Variants in PTGFR observed in about 807,000 individuals in gnomAD.
PTGFR encodes the protein prostaglandin F2-alpha receptor.
Under a neutral mutation model 26.2 loss-of-function variants are expected in PTGFR, and 15 were observed. The ratio of observed to expected loss-of-function variants is 0.57; its 90% CI spans 0.38 to 0.88. The LOEUF is 0.88. Ranked by LOEUF, PTGFR falls within the 40% of genes least tolerant of loss-of-function variation. The pLI is 0.00. For synonymous variants in PTGFR, 165 were observed against 151.1 expected, an observed-to-expected ratio of 1.09 and a Z score of -0.68; for missense variants, 369 against 427.2, an observed-to-expected ratio of 0.86 and a Z score of 1.20.
intron 2 of PTGFR, among the ~76,000 whole-genome samples, chr1:78,509,686 G>A (rs1192711122): frequency 6.6e-6 from 1 of 152,202 alleles, no homozygotes; most frequent in Non-Finnish European, 1.5e-5. Flanking sequence ...CTATGTAGCA[G>A]TAATTTCCAT....
intron 2 of PTGFR, among the ~76,000 whole-genome samples, chr1:78,494,746 C>G (rs1459950418): frequency 2.0e-5 from 3 of 152,182 alleles, no homozygotes; most frequent in African/African-American, 7.2e-5. Context: ...GCTGGGATTA[C>G]AGGCGTGTGG....
At chr1:78,506,577 G>A (rs1410228288) in intron 2 of PTGFR, among the ~76,000 whole-genome samples, 1 of 151,754 alleles carries the variant, frequency 6.6e-6, no homozygotes, top group Non-Finnish European at 1.5e-5. Context: ...CTAGTGATTG[G>A]TTTGTTTGAT....
At chr1:78,520,015 A>G (rs1383143651) in intron 2 of PTGFR, among the ~76,000 whole-genome samples, 3 of 151,954 alleles carry the variant, frequency 2.0e-5, no homozygotes, top group African/African-American at 7.2e-5. Context: ...AGTAAATGTC[A>G]TTTCAGGTTT....
intron 2 of PTGFR, among the ~76,000 whole-genome samples, chr1:78,500,861 G>T (rs1649686910): frequency 1.3e-5 from 2 of 152,196 alleles, no homozygotes; most frequent in South Asian, 4.1e-4. Context: ...AAAGTGTATG[G>T]TGTAAAATTG....
At chr1:78,526,138 T>C (rs1042535122) in intron 2 of PTGFR, among the ~76,000 whole-genome samples, 5 of 152,040 alleles carry the variant, frequency 3.3e-5, no homozygotes, top group Non-Finnish European at 5.9e-5. Context: ...ATTGCAAGAA[T>C]TATACACAAT....
At chr1:78,534,097 C>T (rs1650587844) in intron 2 of PTGFR, among the ~76,000 whole-genome samples, 1 of 152,174 alleles carries the variant, frequency 6.6e-6, no homozygotes, top group Non-Finnish European at 1.5e-5. Context: ...GGATATACAA[C>T]TGTAATGTGC....
chr1:78,515,115 G>A (rs1650063748), intron 2 of PTGFR, among the ~76,000 whole-genome samples: 1 of 152,124 alleles, frequency 6.6e-6, no homozygotes, highest in Non-Finnish European at 1.5e-5. Context: ...AAGATTTGGA[G>A]AGGACAAACA....
chr1:78,498,691 T>G (rs1212714750), intron 2 of PTGFR, among the ~76,000 whole-genome samples: 1 of 152,072 alleles, frequency 6.6e-6, no homozygotes, highest in Non-Finnish European at 1.5e-5. Context: ...ATCCCCTGAC[T>G]CTAAAAACAA....
At position 78,493,144 on chromosome 1, in the gene PTGFR, G is replaced by T. The variant is rs1649456307; in HGVS notation, c.401G>T (p.Cys134Phe). The change falls in exon 2 of 3, where the codon TGT (cysteine) becomes TTT (phenylalanine). Residue 134 changes from cysteine to phenylalanine, a missense_variant. Coordinates refer to ENST00000370757, the MANE Select transcript of PTGFR (RefSeq NM_000959.4). ...GGCAGTGTGATGGCCATTGAGCGGT[G>T]TATTGGAGTCACAAAACCAATATTT... ...LLGSVMAIER[C>F]IGVTKPIFHS... 7 of 1,614,126 alleles carry T rather than the reference G, an allele frequency of 4.3e-6. No individual in the cohort carries two copies. The highest frequency in any genetic ancestry group is 1.7e-5 in the Admixed American group (1 of 60,012).
At chr1:78,519,596 G>A (rs1281552372) in intron 2 of PTGFR, among the ~76,000 whole-genome samples, 1 of 152,018 alleles carries the variant, frequency 6.6e-6, no homozygotes, top group African/African-American at 2.4e-5. Context: ...TGTGCTACAG[G>A]GGATACAAAC....
At chr1:78,496,980 C>T (rs1208611765) in intron 2 of PTGFR, among the ~76,000 whole-genome samples, 2 of 138,500 alleles carry the variant, frequency 1.4e-5, no homozygotes, top group East Asian at 2.4e-4. Context: ...TTATTATTAA[C>T]TAAAGTTTGT....
rs966525880 is a variant in PTGFR at position 78,539,737 on chromosome 1, T to C, written c.*3050T>C. ...TCAAACAAGTAATTTTATAATAAAG[T>C]TGGACTAATGTTTTTCAAGAGTGAT... On this transcript the variant is annotated 3_prime_UTR_variant, in exon 3 of 3. Coordinates refer to ENST00000370757, the MANE Select transcript of PTGFR (RefSeq NM_000959.4). 1 of 152,554 alleles carries C rather than the reference T, an allele frequency of 6.6e-6. No homozygotes were observed. The highest frequency in any genetic ancestry group is 2.4e-5 in the African/African-American group (1 of 41,452). 9.5% of individuals were successfully genotyped at this position (152,554 alleles called of 1,614,324 possible). A position where few individuals can be genotyped will look rare whatever the true frequency, so the allele number is the denominator to read the frequency against.
intron 2 of PTGFR, among the ~76,000 whole-genome samples, chr1:78,533,546 AC>A (rs1650571707): frequency 6.6e-6 from 1 of 152,148 alleles, no homozygotes; most frequent in South Asian, 2.1e-4. Context: ...TGTTTTACTC[AC>A]ATTAACTTGG....
chr1:78,498,019 C>T lies in PTGFR; in HGVS notation c.798+4478C>T, dbSNP rs996701177. The T allele has an allele frequency of 2.7e-6, 3 of 1,098,212 alleles. No individual in the cohort carries two copies. In the African/African-American group the frequency reaches 4.7e-5, roughly 17 times the overall value. 68.0% of individuals were successfully genotyped at this position (1,098,212 alleles called of 1,614,324 possible). A position where few individuals can be genotyped will look rare whatever the true frequency, so the allele number is the denominator to read the frequency against. ...TGATTTTCCTAAGGTTACTCTTATG[C>T]TAATATTTCTAGTCAACATAGTTAA... On this transcript the variant is annotated intron_variant, in intron 2 of 2. Coordinates refer to ENST00000370757, the MANE Select transcript of PTGFR (RefSeq NM_000959.4).
chr1:78,508,751 G>A (rs1432381420), intron 2 of PTGFR, among the ~76,000 whole-genome samples: 1 of 151,962 alleles, frequency 6.6e-6, no homozygotes, highest in Non-Finnish European at 1.5e-5. Context: ...TAACCCAGAG[G>A]GTCATTGTTA....
intron 2 of PTGFR, among the ~76,000 whole-genome samples, chr1:78,503,842 T>C (rs565278348): frequency 2.0e-4 from 30 of 152,322 alleles, no homozygotes; most frequent in African/African-American, 6.7e-4. Context: ...GCAAGAACAT[T>C]GTTGTAGCAG....
intron 1 of PTGFR, 35 bp downstream of exon 1, chr1:78,491,271 G>A (rs974362268): frequency 2.0e-5 from 3 of 152,338 alleles, no homozygotes; most frequent in African/African-American, 7.2e-5. Context: ...CCAATGCATC[G>A]GCTTCGCTTA....
At chr1:78,506,793 A>C (rs1483758047) in intron 2 of PTGFR, among the ~76,000 whole-genome samples, 1 of 152,090 alleles carries the variant, frequency 6.6e-6, no homozygotes, top group Non-Finnish European at 1.5e-5. Context: ...TCCTGGAGTC[A>C]GTCTCTGTTG....
intron 1 of PTGFR, 140 bp from the exon 2 acceptor site, chr1:78,492,532 G>A: frequency 2.0e-6 from 1 of 507,094 alleles, no homozygotes; most frequent in Admixed American, 3.6e-5. Flanking sequence ...GCAGATATGA[G>A]CTGCTTTCAG....
Sources: allele counts gnomAD v4.1 joint callset (sites outside exome capture counted in the v4.1 genomes callset), GRCh38; gene constraint gnomAD v4.1.1; transcripts MANE v1.5; gene names NCBI Gene and HGNC (gene_info 2026-07-23, HGNC 2026-07-21).